Variants in NOL4 observed in about 807,000 individuals in gnomAD.
The protein encoded by NOL4 is nucleolar protein 4, also known as cancer/testis antigen 125.
A neutral mutation model predicts 75.9 loss-of-function variants in NOL4; 17 were observed. That is an observed-to-expected ratio of 0.22 (90% CI 0.15 to 0.34). The LOEUF (loss-of-function observed/expected upper bound fraction) is 0.34. NOL4 is among the 10% of genes least tolerant of loss of function. The pLI is 1.00. For missense variants in NOL4, 614 were observed against 793.5 expected (o/e 0.77, Z 2.72); for synonymous variants, 292 against 289.9 (o/e 1.01, Z -0.07).
intron 5 of NOL4, among the ~76,000 whole-genome samples, chr18:34,067,806 AT>A (rs912272400): frequency 1.3e-5 from 2 of 150,054 alleles, no homozygotes; most frequent in African/African-American, 2.4e-5. Context: ...GGATGTGTTT[AT>A]TTTTTTTAAT....
rs540047162 is a variant in NOL4, at chr18:33,959,374, T to C, written c.1057-956A>G. Among the ~76,000 whole-genome samples, 11 of 152,178 alleles carry C rather than the reference T, an allele frequency of 7.2e-5. No homozygotes were observed. The East Asian group carries it at 2.1e-3, about 29-fold the overall frequency. On this transcript the variant is annotated intron_variant, in intron 6 of 10. Transcript: ENST00000261592. Reference sequence around the variant, plus strand: ...TTACACTTATTCCAAATATTTTCTCTTGGGACCCTCTAGGATTATTCCAGA... The same window carrying C: ...TTACACTTATTCCAAATATTTTCTCCTGGGACCCTCTAGGATTATTCCAGA...
chr18:34,165,817 T>G (rs1391651038), intron 1 of NOL4, among the ~76,000 whole-genome samples: 1 of 151,980 alleles, frequency 6.6e-6, no homozygotes, highest in East Asian at 1.9e-4. Flanking sequence ...TTTAAATATA[T>G]AATAAGCAGA....
At chr18:33,988,530 T>G (rs916374639) in intron 6 of NOL4, among the ~76,000 whole-genome samples, 3 of 152,092 alleles carry the variant, frequency 2.0e-5, no homozygotes, top group African/African-American at 7.2e-5. Context: ...ACTCTCCTCA[T>G]GGGCATGAGA....
At chr18:34,024,389 G>T (rs562116123) in intron 5 of NOL4, among the ~76,000 whole-genome samples, 10 of 150,886 alleles carry the variant, frequency 6.6e-5, no homozygotes, top group Non-Finnish European at 1.5e-4. Flanking sequence ...GTAAAACTAA[G>T]TATTAGGTCC....
At chr18:34,222,123 C>A in intron 1 of NOL4, 1 of 1,533,146 alleles carries the variant, frequency 6.5e-7, no homozygotes, top group Non-Finnish European at 8.7e-7. Flanking sequence ...TGCGGCTCCC[C>A]AGCCCCACTG....
At chr18:34,162,222 A>T (rs1248636142) in intron 1 of NOL4, among the ~76,000 whole-genome samples, 1 of 152,210 alleles carries the variant, frequency 6.6e-6, no homozygotes, top group Non-Finnish European at 1.5e-5. Context: ...GCAGAAGGCA[A>T]GAAATAACTA....
intron 6 of NOL4, among the ~76,000 whole-genome samples, chr18:33,967,816 C>T (rs1382075039): frequency 6.6e-6 from 1 of 152,130 alleles, no homozygotes; most frequent in South Asian, 2.1e-4. Context: ...AATCTGGGCA[C>T]GGTGGCTCAT....
intron 8 of NOL4, among the ~76,000 whole-genome samples, chr18:33,954,498 A>C (rs1160825452): frequency 6.6e-6 from 1 of 151,832 alleles, no homozygotes. Context: ...AGATTGTAGA[A>C]GAAGAAGAAG....
intron 1 of NOL4, among the ~76,000 whole-genome samples, chr18:34,184,060 A>G (rs1196829012): frequency 3.3e-5 from 5 of 151,822 alleles, no homozygotes; most frequent in Non-Finnish European, 5.9e-5. Flanking sequence ...AACTATGCAA[A>G]TGAACCCCAT....
chr18:34,014,604 T>C (rs2146361189), intron 6 of NOL4, among the ~76,000 whole-genome samples: 2 of 152,092 alleles, frequency 1.3e-5, no homozygotes, highest in South Asian at 4.1e-4. Flanking sequence ...TCATTTTCTA[T>C]ATAGCTAATC....
At chr18:34,056,576 A>C (rs1378066956) in intron 5 of NOL4, among the ~76,000 whole-genome samples, 1 of 152,158 alleles carries the variant, frequency 6.6e-6, no homozygotes, top group Non-Finnish European at 1.5e-5. Flanking sequence ...AGAAACCAAT[A>C]CTTCAGGAAG....
intron 5 of NOL4, among the ~76,000 whole-genome samples, chr18:34,075,345 C>A (rs560413765): frequency 6.6e-6 from 1 of 151,982 alleles, no homozygotes; most frequent in African/African-American, 2.4e-5. Context: ...TTTTATTAAC[C>A]TTTGTGGGTG....
intron 1 of NOL4, among the ~76,000 whole-genome samples, chr18:34,170,883 A>T (rs1323644249): frequency 6.6e-6 from 1 of 152,216 alleles, no homozygotes; most frequent in African/African-American, 2.4e-5. Context: ...TGAGCAGCCT[A>T]AATGAACACT....
rs2074895664 is a variant in NOL4 at position 34,019,307 on chromosome 18, T to C, written c.1056+11A>G. The C allele has an allele frequency of 4.4e-6, 7 of 1,606,302 alleles. No homozygotes were observed. In the African/African-American group the frequency reaches 8.0e-5, roughly 18 times the overall value. ...AACTCAAAAATTCTGGAAATTGTAA[T>C]GTGATCATACCTTGCTTCCATTTTC... On this transcript the variant is annotated intron_variant, in intron 6 of 10. Transcript: ENST00000261592.
At chr18:33,916,965 T>A (rs1040450785) in intron 9 of NOL4, among the ~76,000 whole-genome samples, 1 of 152,194 alleles carries the variant, frequency 6.6e-6, no homozygotes, top group African/African-American at 2.4e-5. Flanking sequence ...TATTTCTCCA[T>A]GAATTCAGCA....
chr18:34,151,950 C>T (rs995738197), intron 1 of NOL4, among the ~76,000 whole-genome samples: 14 of 151,560 alleles, frequency 9.2e-5, no homozygotes, highest in African/African-American at 2.9e-4. Flanking sequence ...TCTAGTGGAC[C>T]GACAACCAGC....
rs531077149 is a variant in NOL4 at position 34,141,216 on chromosome 18, C to G, written c.265-11196G>C. Among the ~76,000 whole-genome samples the G allele has an allele frequency of 7.7e-4, 117 of 152,298 alleles. 1 individual carries two copies. Among genetic ancestry groups the G allele is most frequent in the Non-Finnish European group, 2.4e-4 (16 of 68,020 alleles). ...AACAAATGGAAGAACATTCCATGCT[C>G]ATGGATAGGAAGAATCAATATCATG... On this transcript the variant is annotated intron_variant, in intron 1 of 10. Coordinates refer to ENST00000261592, the MANE Select transcript of NOL4 (RefSeq NM_003787.5).
intron 5 of NOL4, among the ~76,000 whole-genome samples, chr18:34,055,417 T>C (rs2076794868): frequency 6.6e-6 from 1 of 152,142 alleles, no homozygotes. Context: ...CTAAACACTT[T>C]GAATAATATT....
chr18:34,126,354 A>G (rs923799736), intron 2 of NOL4, among the ~76,000 whole-genome samples: 7 of 152,166 alleles, frequency 4.6e-5, no homozygotes, highest in Admixed American at 6.6e-5. Context: ...CCTTTTAGCT[A>G]TAGCATATGT....
Sources: allele counts gnomAD v4.1 joint callset (sites outside exome capture counted in the v4.1 genomes callset), GRCh38; gene constraint gnomAD v4.1.1; transcripts MANE v1.5; gene names NCBI Gene and HGNC (gene_info 2026-07-23, HGNC 2026-07-21).